GPC6: variants seen among roughly 807,000 people sequenced by gnomAD.
The protein encoded by GPC6 is glypican-6.
GPC6 carries 14 observed loss-of-function variants against 55.2 expected under a neutral mutation model. That is an observed-to-expected ratio of 0.25 (90% CI 0.17 to 0.40). The LOEUF (loss-of-function observed/expected upper bound fraction) is 0.40. Among genes scored for constraint, GPC6 ranks in the 10% least tolerant of loss-of-function variants. GPC6 has a pLI of 1.00. For synonymous variants in GPC6, 278 were observed against 259.6 expected (o/e 1.07, Z -0.68); for missense variants, 641 against 708.5 (o/e 0.90, Z 1.08).
At chr13:93,691,998 G>T (rs1386779419) in intron 2 of GPC6, among the ~76,000 whole-genome samples, 1 of 151,980 alleles carries the variant, frequency 6.6e-6, no homozygotes, top group Non-Finnish European at 1.5e-5. Flanking sequence ...ATGGTTATTT[G>T]CATCATTGAA....
chr13:93,319,461 C>G (rs1879355882), intron 1 of GPC6, among the ~76,000 whole-genome samples: 1 of 152,016 alleles, frequency 6.6e-6, no homozygotes. Context: ...AAAGTTGCAT[C>G]CACAAAACAG....
intron 3 of GPC6, among the ~76,000 whole-genome samples, chr13:94,004,895 C>T (rs1881949188): frequency 6.6e-6 from 1 of 152,060 alleles, no homozygotes; most frequent in South Asian, 2.1e-4. Flanking sequence ...AACACCGTCT[C>T]CACTAAAAAT....
chr13:93,993,278 A>G (rs1332815420), intron 3 of GPC6, among the ~76,000 whole-genome samples: 1 of 150,864 alleles, frequency 6.6e-6, no homozygotes, highest in African/African-American at 2.4e-5. Context: ...ATTCTAATTC[A>G]TGAGCATTCT....
chr13:93,883,900 A>T (rs1159536265), intron 3 of GPC6, among the ~76,000 whole-genome samples: 1 of 152,174 alleles, frequency 6.6e-6, no homozygotes, highest in Non-Finnish European at 1.5e-5. Flanking sequence ...AACAAAAACA[A>T]TCCATCTTTT....
At chr13:93,326,487 T>A (rs1879660039) in intron 1 of GPC6, among the ~76,000 whole-genome samples, 1 of 152,132 alleles carries the variant, frequency 6.6e-6, no homozygotes, top group Non-Finnish European at 1.5e-5. Flanking sequence ...CAGTTCAAGC[T>A]TTAGAAGAAA....
At chr13:94,145,158 T>TGGATGGATGGATGGATGGATGGAC (rs1887517861) in intron 4 of GPC6, among the ~76,000 whole-genome samples, 3 of 139,942 alleles carry the variant, frequency 2.1e-5, no homozygotes, top group South Asian at 2.3e-4. Flanking sequence ...GATGGATGGA[T>TGGATGGATGGATGGATGGATGGAC]GGATGGATGG....
At chr13:94,360,258 A>C (rs1878996442) in intron 6 of GPC6, among the ~76,000 whole-genome samples, 1 of 152,242 alleles carries the variant, frequency 6.6e-6, no homozygotes, top group African/African-American at 2.4e-5. Flanking sequence ...TTGTGCATCT[A>C]GAATGTTCTT....
chr13:93,220,835 A>C, the GPC6 span, among the ~76,000 whole-genome samples: 1 of 152,170 alleles, frequency 6.6e-6, no homozygotes, highest in African/African-American at 2.4e-5. Context: ...GAATCAATGA[A>C]GAGTAGACTC....
chr13:94,189,484 G>A (rs1275393578), intron 4 of GPC6, among the ~76,000 whole-genome samples: 1 of 152,112 alleles, frequency 6.6e-6, no homozygotes, highest in African/African-American at 2.4e-5. Flanking sequence ...CATAAAGATT[G>A]CAAGATGGAC....
At chr13:93,427,746 A>G (rs1877197537) in intron 1 of GPC6, among the ~76,000 whole-genome samples, 1 of 152,144 alleles carries the variant, frequency 6.6e-6, no homozygotes, top group African/African-American at 2.4e-5. Flanking sequence ...CCCCTAGCAC[A>G]GCAATAGCCT....
At chr13:93,642,485 T>C (rs1163439618) in intron 2 of GPC6, among the ~76,000 whole-genome samples, 1 of 152,112 alleles carries the variant, frequency 6.6e-6, no homozygotes, top group African/African-American at 2.4e-5. Flanking sequence ...TTTGGTAGAA[T>C]GATTTATTGT....
intron 4 of GPC6, among the ~76,000 whole-genome samples, chr13:94,242,900 A>T (rs1274351265): frequency 6.6e-6 from 1 of 151,894 alleles, no homozygotes; most frequent in East Asian, 1.9e-4. Context: ...TGTGTCATAT[A>T]CCTTTATTTA....
At chr13:93,552,057 A>G (rs926188043) in intron 2 of GPC6, among the ~76,000 whole-genome samples, 1 of 152,180 alleles carries the variant, frequency 6.6e-6, no homozygotes, top group Non-Finnish European at 1.5e-5. Flanking sequence ...AGGGCTTATA[A>G]TGTTAATCAT....
At chr13:93,265,789 CT>C (rs895373965) in intron 1 of GPC6, among the ~76,000 whole-genome samples, 35 of 141,886 alleles carry the variant, frequency 2.5e-4, no homozygotes, top group Non-Finnish European at 4.8e-4. Flanking sequence ...TCTTTTATTT[CT>C]TTTTTTTCTT....
At chr13:94,259,473 G>T (rs559291606) in intron 4 of GPC6, among the ~76,000 whole-genome samples, 2 of 152,176 alleles carry the variant, frequency 1.3e-5, no homozygotes, top group African/African-American at 2.4e-5. Flanking sequence ...GGTTGGTTTA[G>T]CACTATCTTT....
chr13:93,972,937 C>CTA (rs1880348777), intron 3 of GPC6, among the ~76,000 whole-genome samples: 1 of 151,846 alleles, frequency 6.6e-6, no homozygotes, highest in South Asian at 2.1e-4. Context: ...GTCTCTCTCT[C>CTA]TCTCTCTGTC....
intron 1 of GPC6, among the ~76,000 whole-genome samples, chr13:93,535,702 C>A (rs7337681): frequency 0.35 from 48,615 of 140,290 alleles, 8,784 homozygotes; most frequent in African/African-American, 0.52. Context: ...AAAAAAAAAA[C>A]CAAGCAGAAC....
chr13:93,392,147 T>C (rs1043920334), intron 1 of GPC6, among the ~76,000 whole-genome samples: 1 of 152,194 alleles, frequency 6.6e-6, no homozygotes, highest in Non-Finnish European at 1.5e-5. Context: ...CTGTCTTCAT[T>C]GTATCCTGTT....
In GPC6 at chr13:93,955,114, A is replaced by G. The variant is rs149092762; in HGVS notation, c.712-72615A>G. 4.2e-3 allele frequency among the ~76,000 whole-genome samples: 634 copies of G among 152,196 alleles called. 6 individuals carry two copies. The highest frequency in any genetic ancestry group is 0.015 in the African/African-American group (616 of 41,530). On this transcript the variant is annotated intron_variant, in intron 3 of 8. Transcript: ENST00000377047. ...CAAGGGATGAATGGTGGCAGGTCACACTTCTTTTTATCCCTGCCCTTCCTT... is the reference window on the plus strand; with the variant it reads ...CAAGGGATGAATGGTGGCAGGTCACGCTTCTTTTTATCCCTGCCCTTCCTT...
Sources: gnomAD v4.1 joint callset for allele counts (sites outside exome capture counted in the v4.1 genomes callset) on GRCh38, gnomAD v4.1.1 for gene constraint, MANE v1.5 for transcripts, NCBI Gene and HGNC (gene_info 2026-07-23, HGNC 2026-07-21) for gene names.